Variants in OSBPL10 observed in about 807,000 individuals in gnomAD.
The protein encoded by OSBPL10 is oxysterol binding protein like 10.
In OSBPL10, 49 loss-of-function variants were observed where a neutral mutation model predicts 81.7. The ratio of observed to expected loss-of-function variants is 0.60; its 90% confidence interval spans 0.48 to 0.76. The LOEUF is 0.76. Among genes scored for constraint, OSBPL10 ranks in the 30% least tolerant of loss-of-function variants. The pLI, the probability that OSBPL10 is intolerant of heterozygous loss-of-function variation, is 0.00. For missense variants in OSBPL10, 923 were observed against 987.8 expected (o/e 0.93, Z 0.88); for synonymous variants, 419 against 383.6 (o/e 1.09, Z -1.08).
chr3:32,062,484 A>G lies in OSBPL10; in HGVS notation n.185+14912T>C, dbSNP rs1173622013. ...TTTTATCTGATGGTAATTTCACTAT[A>G]GGATTTCAGTTGTATTTTCAATCAC... On this transcript the variant is annotated intron_variant and non_coding_transcript_variant, in intron 1 of 3. Coordinates refer to the OSBPL10 transcript ENST00000479173. Among the ~76,000 whole-genome samples, 3 of 94,716 alleles carry G rather than the reference A, an allele frequency of 3.2e-5. 1 individual carries two copies. Among genetic ancestry groups the G allele is most frequent in the African/African-American group, 8.2e-5 (3 of 36,724 alleles). 62.1% of individuals were successfully genotyped at this position (94,716 alleles called of 152,430 possible).
At chr3:31,918,317 GTT>G (rs1032057693) in intron 1 of OSBPL10, among the ~76,000 whole-genome samples, 14 of 121,756 alleles carry the variant, frequency 1.1e-4, no homozygotes, top group Non-Finnish European at 1.7e-5. Context: ...CACTGGAGTT[GTT>G]TTTTCTTTTC....
At chr3:31,985,347 C>T (rs1230264547), upstream of OSBPL10, among the ~76,000 whole-genome samples, 1 of 152,090 alleles carries the variant, frequency 6.6e-6, no homozygotes, top group Non-Finnish European at 1.5e-5. Flanking sequence ...AAATTTTAAA[C>T]GTAAATAGAA....
chr3:31,885,828 C>CA (rs34871532), intron 1 of OSBPL10, among the ~76,000 whole-genome samples: 39,178 of 122,442 alleles, frequency 0.32, 6,344 homozygotes, highest in African/African-American at 0.43. Flanking sequence ...ACTAAAAATA[C>CA]AAAAAAAAAA....
At chr3:31,860,612 T>C (rs1359261492) in intron 3 of OSBPL10, among the ~76,000 whole-genome samples, 1 of 152,196 alleles carries the variant, frequency 6.6e-6, no homozygotes, top group African/African-American at 2.4e-5. Flanking sequence ...AGTTCATGTA[T>C]GTTCTTTTTA....
intron 1 of OSBPL10, among the ~76,000 whole-genome samples, chr3:32,056,262 T>G (rs1164972521): frequency 6.6e-6 from 1 of 152,232 alleles, no homozygotes; most frequent in East Asian, 1.9e-4. Context: ...CAACTAGTGA[T>G]TTCTGACTGC....
intron 4 of OSBPL10, among the ~76,000 whole-genome samples, chr3:31,810,100 A>T (rs1402338219): frequency 6.6e-6 from 1 of 151,718 alleles, no homozygotes; most frequent in Non-Finnish European, 1.5e-5. Flanking sequence ...CGAACTCCTG[A>T]CCTTAGGTGA....
intron 2 of OSBPL10, among the ~76,000 whole-genome samples, chr3:31,878,847 GTGCA>G (rs1701550596): frequency 1.3e-5 from 2 of 150,446 alleles, no homozygotes; most frequent in South Asian, 4.2e-4. Context: ...GTGTGTGTGT[GTGCA>G]TGCACTTGTG....
At chr3:31,841,972 A>G (rs1275601466) in intron 3 of OSBPL10, among the ~76,000 whole-genome samples, 1 of 152,236 alleles carries the variant, frequency 6.6e-6, no homozygotes, top group African/African-American at 2.4e-5. Context: ...AGTAAAAACT[A>G]TCTCTAAAAA....
intron 1 of OSBPL10, among the ~76,000 whole-genome samples, chr3:31,914,150 A>C (rs1559515915): frequency 6.6e-6 from 1 of 152,168 alleles, no homozygotes; most frequent in East Asian, 1.9e-4. Flanking sequence ...CGAACTCCTG[A>C]CCTCAAGTGA....
intron 1 of OSBPL10, among the ~76,000 whole-genome samples, chr3:31,965,610 T>C (rs1278913783): frequency 1.1e-4 from 8 of 76,084 alleles, no homozygotes; most frequent in Non-Finnish European, 4.5e-5. Context: ...TATAATATAT[T>C]ATATAAATTA....
intron 1 of OSBPL10, among the ~76,000 whole-genome samples, chr3:32,055,753 G>A (rs1017405177): frequency 2.6e-5 from 4 of 151,794 alleles, no homozygotes; most frequent in Middle Eastern, 3.4e-3. Context: ...AAGCCCTTTC[G>A]GAAAACTGGC....
chr3:31,993,681 T>TACACACAC lies in OSBPL10; in HGVS notation n.298+52802_298+52809dup, dbSNP rs139678560. On this transcript the variant is annotated intron_variant and non_coding_transcript_variant, in intron 2 of 3. Coordinates refer to the OSBPL10 transcript ENST00000479173. ...ACCTATTAACATGACTACACACACA[T>TACACACAC]ACACACACACACACACACACACACA... is the stretch of plus-strand genomic sequence containing the variant. Among the ~76,000 whole-genome samples the TACACACAC allele has an allele frequency of 4.5e-3, 659 of 147,306 alleles. 3 individuals are homozygous for TACACACAC. The highest frequency in any genetic ancestry group is 0.014 in the African/African-American group (568 of 39,988).
At position 31,848,254 on chromosome 3, in the gene OSBPL10, G is replaced by A. The variant is rs182249984; in HGVS notation, c.538-18023C>T. Among the ~76,000 whole-genome samples, 23 of 151,864 alleles carry A rather than the reference G, an allele frequency of 1.5e-4. No homozygotes were observed. In the East Asian group the frequency reaches 3.1e-3, roughly 21 times the overall value. ...TACCTCTTGGTGAACTGCCTTCCTT[G>A]ACTCAGGCACACGTTTTACCTTCTC... On this transcript the variant is annotated intron_variant, in intron 3 of 11. Coordinates refer to ENST00000396556, the MANE Select transcript of OSBPL10 (RefSeq NM_017784.5).
intron 4 of OSBPL10, among the ~76,000 whole-genome samples, chr3:31,815,490 A>G (rs567947654): frequency 6.6e-6 from 1 of 152,350 alleles, no homozygotes; most frequent in South Asian, 2.1e-4. Context: ...GATCAAAGCA[A>G]TAAGAAATGT....
At chr3:31,940,745 T>C (rs1193582658) in intron 1 of OSBPL10, among the ~76,000 whole-genome samples, 1 of 152,090 alleles carries the variant, frequency 6.6e-6, no homozygotes, top group Non-Finnish European at 1.5e-5. Flanking sequence ...CACCTCCTAC[T>C]GTCTTTTGAG....
chr3:32,033,738 G>T (rs1228662294), intron 2 of OSBPL10, among the ~76,000 whole-genome samples: 2 of 152,142 alleles, frequency 1.3e-5, no homozygotes, highest in Non-Finnish European at 2.9e-5. Context: ...TTATTCTTTA[G>T]TGTAAAGAAA....
chr3:31,719,643 A>G (rs1236701042), intron 6 of OSBPL10, among the ~76,000 whole-genome samples: 1 of 152,178 alleles, frequency 6.6e-6, no homozygotes, highest in African/African-American at 2.4e-5. Context: ...TTAATCTTGG[A>G]GGGCAATGTA....
upstream of OSBPL10, among the ~76,000 whole-genome samples, chr3:31,982,869 A>G (rs1213327813): frequency 6.6e-6 from 1 of 152,216 alleles, no homozygotes; most frequent in African/African-American, 2.4e-5. Flanking sequence ...CTTCCTCCAC[A>G]TGGACCTTAG....
chr3:31,924,406 C>T (rs919469790), intron 1 of OSBPL10, among the ~76,000 whole-genome samples: 81 of 152,180 alleles, frequency 5.3e-4, no homozygotes, highest in African/African-American at 1.9e-3. Flanking sequence ...CAGCACCTTC[C>T]TTGTGAGGTA....
Sources: gnomAD v4.1 joint callset for allele counts (sites outside exome capture counted in the v4.1 genomes callset) on GRCh38, gnomAD v4.1.1 for gene constraint, MANE v1.5 for transcripts, NCBI Gene and HGNC (gene_info 2026-07-23, HGNC 2026-07-21) for gene names.